KCNA3: variants seen among roughly 807,000 people sequenced by gnomAD.
KCNA3 encodes the protein potassium voltage-gated channel subfamily A member 3, also known as RP11-284N8.3.
A neutral mutation model predicts 34.3 loss-of-function variants in KCNA3; 18 were observed. The ratio of observed to expected loss-of-function variants is 0.52; its 90% CI spans 0.36 to 0.78. The LOEUF (loss-of-function observed/expected upper bound fraction) is 0.78, where lower values mean the gene tolerates loss of function less well. Among genes scored for constraint, KCNA3 ranks in the 30% least tolerant of loss-of-function variants. The pLI, the probability that KCNA3 is intolerant of heterozygous loss-of-function variation, is 0.00. For missense variants in KCNA3, 587 were observed against 802.5 expected (o/e 0.73, Z 3.24); for synonymous variants, 324 against 351.7 (o/e 0.92, Z 0.88).
At chr1:110,659,617 T>C in the KCNA3 span, among the ~76,000 whole-genome samples, 1 of 152,132 alleles carries the variant, frequency 6.6e-6, no homozygotes, top group Non-Finnish European at 1.5e-5. Context: ...AATAATTTAC[T>C]GGTATATTTA....
At chr1:110,656,291 C>T in the KCNA3 span, 6 of 151,928 alleles carry the variant, frequency 3.9e-5, no homozygotes, top group East Asian at 9.6e-4. Context: ...TAATTTAAAG[C>T]CAAGGTCAAA....
downstream of KCNA3, among the ~76,000 whole-genome samples, chr1:110,668,706 T>G (rs1331094644): frequency 6.6e-6 from 1 of 152,186 alleles, no homozygotes; most frequent in African/African-American, 2.4e-5. Flanking sequence ...AATGTTAACT[T>G]CCATGTTTCT....
the KCNA3 span, among the ~76,000 whole-genome samples, chr1:110,665,668 T>C: frequency 6.6e-6 from 1 of 152,050 alleles, no homozygotes; most frequent in African/African-American, 2.4e-5. Flanking sequence ...AATTTAAAGC[T>C]ATGAGAATAA....
chr1:110,666,256 T>C, the KCNA3 span, among the ~76,000 whole-genome samples: 1 of 152,150 alleles, frequency 6.6e-6, no homozygotes, highest in Non-Finnish European at 1.5e-5. Flanking sequence ...TTTAATGAAC[T>C]ACTATACTAT....
At chr1:110,665,673 G>T in the KCNA3 span, among the ~76,000 whole-genome samples, 4 of 152,230 alleles carry the variant, frequency 2.6e-5, no homozygotes, top group South Asian at 2.1e-4. Flanking sequence ...AAAGCTATGA[G>T]AATAAGACAG....
At position 110,673,560 on chromosome 1, in the gene KCNA3, T is replaced by C; in HGVS notation, c.1250A>G (p.Tyr417Cys). The change falls in exon 1 of 1, where the codon TAC becomes TGC. Residue 417 changes from tyrosine to cysteine, a missense_variant. Tyr to Cys is a radical substitution (Grantham distance 194). Transcript: ENST00000369769. This position sits in a 1 kb window ranked among gnomAD's most constrained non-coding sequence, Gnocchi z 8.8. ...IGVILFSSAVYFAEADDPTSG... is the reference protein window; with the variant it reads ...IGVILFSSAVCFAEADDPTSG... Reference sequence around the variant, plus strand: ...AGTGGGGTCGTCTGCCTCGGCAAAGTAGACCGCGCTGGAGAAAAGGATGAC... The same window carrying C: ...AGTGGGGTCGTCTGCCTCGGCAAAGCAGACCGCGCTGGAGAAAAGGATGAC... 6.2e-7 allele frequency: 1 copy of C among 1,614,108 alleles called. No individual in the cohort carries two copies. Among genetic ancestry groups the C allele is most frequent in the Non-Finnish European group, 8.5e-7 (1 of 1,180,024 alleles).
chr1:110,673,554 G>C lies in KCNA3; in HGVS notation c.1256C>G (p.Ala419Gly), dbSNP rs1276286143. The C allele has an allele frequency of 1.9e-6, 3 of 1,614,180 alleles. No homozygotes were observed. In the Admixed American group the frequency reaches 5.0e-5, roughly 27 times the overall value. The change falls in exon 1 of 1, where the codon GCC (alanine) becomes GGC (glycine). Residue 419 changes from alanine to glycine, a missense_variant. Around this residue, in one of 7 missense-constraint regions of KCNA3, gnomAD observed 84 missense variants for 223.1 expected, o/e 0.38. Coordinates refer to ENST00000369769, the MANE Select transcript of KCNA3 (RefSeq NM_002232.5). This position sits in a 1 kb window ranked among gnomAD's most constrained non-coding sequence, Gnocchi z 8.8. Reference protein sequence around the residue: ...VILFSSAVYFAEADDPTSGFS... With the variant: ...VILFSSAVYFGEADDPTSGFS... ...ACCTGAAGTGGGGTCGTCTGCCTCG[G>C]CAAAGTAGACCGCGCTGGAGAAAAG...
At chr1:110,657,784 A>G in the KCNA3 span, among the ~76,000 whole-genome samples, 1 of 152,234 alleles carries the variant, frequency 6.6e-6, no homozygotes, top group Admixed American at 6.5e-5. Flanking sequence ...ACATCTGAAT[A>G]TCTAAGACCT....
chr1:110,674,183 C>A lies in KCNA3; in HGVS notation c.627G>T (p.Arg209=), dbSNP rs1294650006. ...GCTGGAAGTCGCGGCGGGGCAAGGG[C>A]CGCTCCTCCTCCCGCAGGAAGCCCT... ...EDEGFLREEE[R]PLPRRDFQRQ... The change falls in exon 1 of 1, where the codon CGG becomes CGT. Residue 209 remains arginine, a synonymous_variant. Coordinates refer to ENST00000369769, the MANE Select transcript of KCNA3 (RefSeq NM_002232.5). This position sits in a 1 kb window ranked among gnomAD's most constrained non-coding sequence, Gnocchi z 6.4. 1 of 1,611,650 alleles carries A rather than the reference C, an allele frequency of 6.2e-7. No individual in the cohort carries two copies. The highest frequency in any genetic ancestry group is 8.5e-7 in the Non-Finnish European group (1 of 1,178,652).
chr1:110,674,025 T>C lies in KCNA3; in HGVS notation c.785A>G (p.Glu262Gly). The C allele has an allele frequency of 6.2e-7, 1 of 1,609,438 alleles. No individual in the cohort carries two copies. Among genetic ancestry groups the C allele is most frequent in the Non-Finnish European group, 8.5e-7 (1 of 1,177,040 alleles). The change falls in exon 1 of 1, where the codon GAG becomes GGG. Residue 262 changes from glutamate (E) to glycine (G), a missense_variant. This residue lies in a region of KCNA3 where 50 missense variants were observed against 45.3 expected (regional missense o/e 1.10). Transcript: ENST00000369769. The surrounding 1 kb of genome is among the most constrained non-coding windows in gnomAD (Gnocchi z 6.4). ...CLETLPEFRD[E>G]KDYPASTSQD... ...CGACGTCGAGGCGGGGTAGTCCTTC[T>C]CGTCGCGGAACTCCGGCAGCGTCTC...
chr1:110,666,221 T>G, the KCNA3 span, among the ~76,000 whole-genome samples: 1 of 152,176 alleles, frequency 6.6e-6, no homozygotes, highest in African/African-American at 2.4e-5. Context: ...GTAATAGTAT[T>G]TCTTATAATC....
At chr1:110,669,073 G>A (rs1651789921), downstream of KCNA3, among the ~76,000 whole-genome samples, 1 of 152,168 alleles carries the variant, frequency 6.6e-6, no homozygotes, top group African/African-American at 2.4e-5. Flanking sequence ...GAGTGGTTAG[G>A]TAAGGCAATA....
At chr1:110,666,218 T>C in the KCNA3 span, among the ~76,000 whole-genome samples, 4 of 152,304 alleles carry the variant, frequency 2.6e-5, no homozygotes, top group South Asian at 4.1e-4. Context: ...TAAGTAATAG[T>C]ATTTCTTATA....
At chr1:110,665,461 T>C in the KCNA3 span, among the ~76,000 whole-genome samples, 3 of 151,904 alleles carry the variant, frequency 2.0e-5, no homozygotes, top group Admixed American at 6.6e-5. Context: ...CTGCCAGTAG[T>C]GGAGGTGGGG....
chr1:110,670,463 T>A (rs1033002229), downstream of KCNA3, among the ~76,000 whole-genome samples: 2 of 152,188 alleles, frequency 1.3e-5, no homozygotes, highest in Non-Finnish European at 2.9e-5. Flanking sequence ...TAATCAAGGT[T>A]TCTACATCTC....
chr1:110,663,565 T>C, the KCNA3 span, among the ~76,000 whole-genome samples: 46 of 152,326 alleles, frequency 3.0e-4, no homozygotes, highest in South Asian at 9.5e-3. Flanking sequence ...AGTTCCTCTC[T>C]ATTCTTATTA....
At chr1:110,662,412 G>A in the KCNA3 span, among the ~76,000 whole-genome samples, 1 of 152,148 alleles carries the variant, frequency 6.6e-6, no homozygotes, top group Non-Finnish European at 1.5e-5. Context: ...TTAACTGTTA[G>A]TCTCATCAAC....
At chr1:110,665,552 A>G in the KCNA3 span, among the ~76,000 whole-genome samples, 4 of 152,122 alleles carry the variant, frequency 2.6e-5, no homozygotes, top group African/African-American at 7.2e-5. Context: ...TAGGTTTGAG[A>G]TGTCTATTAG....
downstream of KCNA3, among the ~76,000 whole-genome samples, chr1:110,671,245 A>G (rs1221610998): frequency 6.6e-6 from 1 of 152,244 alleles, no homozygotes; most frequent in East Asian, 1.9e-4. Flanking sequence ...GGTTATTCTG[A>G]AGAGCAATGA....
Sources: allele counts gnomAD v4.1 joint callset (sites outside exome capture counted in the v4.1 genomes callset), GRCh38; gene constraint gnomAD v4.1.1; regional missense constraint gnomAD v4.1.1; non-coding constraint Gnocchi (gnomAD v3.1); transcripts MANE v1.5; gene names NCBI Gene and HGNC (gene_info 2026-07-23, HGNC 2026-07-21).